Variants in FIGNL2 observed in about 807,000 individuals in gnomAD.
FIGNL2 encodes fidgetin-like protein 2.
For synonymous variants in FIGNL2, 565 were observed against 484.0 expected, an observed-to-expected ratio of 1.17 and a Z score of -2.20; for missense variants, 1,060 against 950.2, an observed-to-expected ratio of 1.12 and a Z score of -1.52.
intron 1 of FIGNL2, among the ~76,000 whole-genome samples, chr12:51,837,035 C>A (rs978365755): frequency 2.0e-5 from 3 of 152,116 alleles, no homozygotes; most frequent in African/African-American, 2.4e-5. Context: ...CACATTTGAA[C>A]CGCTCAACCT....
chr12:51,845,605 A>G (rs1352906681), intron 1 of FIGNL2: 1 of 985,290 alleles, frequency 1.0e-6, no homozygotes, highest in African/African-American at 1.7e-5. Context: ...TTTTCATTAA[A>G]TCGGGTAAAG....
chr12:51,846,347 T>C (rs1267709783), intron 1 of FIGNL2, among the ~76,000 whole-genome samples: 1 of 151,068 alleles, frequency 6.6e-6, no homozygotes, highest in East Asian at 1.9e-4. Flanking sequence ...AATAAGGAGG[T>C]TGTGGAAAGA....
rs1195752139 is a variant in FIGNL2, at chr12:51,820,727, G to C, written c.1687C>G (p.Arg563Gly). 1 of 1,481,290 alleles carries C rather than the reference G, an allele frequency of 6.8e-7. No homozygotes were observed. Among genetic ancestry groups the C allele is most frequent in the Non-Finnish European group, 8.9e-7 (1 of 1,125,592 alleles). 91.8% of individuals were successfully genotyped at this position (1,481,290 alleles called of 1,614,324 possible). ...AGCGCCCGCTGCAGGATCTGCCCGC[G>C]GGCCGGGCTGTCGGGCAGCGCCACG... ...FYVALPDSPARGQILQRALAQ... is the reference protein window; with the variant it reads ...FYVALPDSPAGGQILQRALAQ... The change falls in exon 2 of 2, where the codon CGC becomes GGC. Residue 563 changes from arginine (R) to glycine (G), a missense_variant. Transcript: ENST00000618634.
At position 51,833,246 on chromosome 12, in the gene FIGNL2, G is replaced by T. The variant is rs185860435; in HGVS notation, c.-11-10822C>A. ...TTAAAATTTTTTTGTAGAGATGGGG[G>T]TCTCACTGTGTTGTCCAGGCTGGTC... On this transcript the variant is annotated intron_variant, in intron 1 of 1. Transcript: ENST00000618634. 5.7e-3 allele frequency among the ~76,000 whole-genome samples: 874 copies of T among 152,116 alleles called. 7 individuals carry two copies. Among genetic ancestry groups the T allele is most frequent in the Admixed American group, 0.012 (183 of 15,282 alleles).
intron 1 of FIGNL2, chr12:51,825,996 A>T (rs1455926071): frequency 6.6e-6 from 1 of 152,100 alleles, no homozygotes; most frequent in Non-Finnish European, 1.5e-5. Flanking sequence ...ACTCCAGGTA[A>T]ATTTCCTCCC....
At position 51,821,306 on chromosome 12, in the gene FIGNL2, C is replaced by T. The variant is rs1185504478; in HGVS notation, c.1108G>A (p.Val370Met). ...ACCAGCTCCAGGGCCCCAGGGTCCACGCCTTTGGGAGTCTCCCCCGACGGC... is the reference window on the plus strand; with the variant it reads ...ACCAGCTCCAGGGCCCCAGGGTCCATGCCTTTGGGAGTCTCCCCCGACGGC... ...AVPSGETPKG[V>M]DPGALELVTS... The change falls in exon 2 of 2, where the codon GTG (valine) becomes ATG (methionine). Residue 370 changes from valine (V) to methionine (M), a missense_variant. By Grantham distance (21) the Val-to-Met change is conservative (BLOSUM62 1). Coordinates refer to ENST00000618634, the MANE Select transcript of FIGNL2 (RefSeq NM_001384995.1). 5.3e-6 allele frequency: 8 copies of T among 1,523,532 alleles called. No individual in the cohort carries two copies. The Middle Eastern group carries it at 5.1e-4, about 96-fold the overall frequency. The allele number at this position is 1,523,532 out of a possible 1,614,324, so 94.4% of individuals were successfully genotyped here.
At chr12:51,845,932 G>C (rs1379654747) in intron 1 of FIGNL2, among the ~76,000 whole-genome samples, 1 of 151,732 alleles carries the variant, frequency 6.6e-6, no homozygotes, top group Non-Finnish European at 1.5e-5. Context: ...CCCCGGACTT[G>C]GGGGGGTGGG....
Position 51,822,211 on chromosome 12 carries a change from G to C in FIGNL2, c.203C>G (p.Ser68Cys). 6.2e-7 allele frequency: 1 copy of C among 1,611,832 alleles called. No homozygotes were observed. Among genetic ancestry groups the C allele is most frequent in the South Asian group, 1.1e-5 (1 of 90,580 alleles). The change falls in exon 2 of 2, where the codon TCT becomes TGT. Residue 68 changes from serine to cysteine, a missense_variant. Ser to Cys is a moderately radical substitution (Grantham distance 112). Transcript: ENST00000618634. ...NLLKRYAEKY[S>C]GVLDSPYERP... Reference sequence around the variant, plus strand: ...CTCGTAGGGAGAATCCAAGACCCCAGAGTACTTCTCTGCATAGCGCTTTAG... The same window carrying C: ...CTCGTAGGGAGAATCCAAGACCCCACAGTACTTCTCTGCATAGCGCTTTAG...
rs766577316 is a variant in FIGNL2, at chr12:51,821,344, C to G, written c.1070G>C (p.Gly357Ala). Residue 357 changes from glycine (G) to alanine (A), a missense_variant, in exon 2 of 2, where the codon GGG (glycine) becomes GCG (alanine). Coordinates refer to ENST00000618634, the MANE Select transcript of FIGNL2 (RefSeq NM_001384995.1). ...KFPERAPAPR[G>A]GFAVPSGETP... ...CTCCCCCGACGGCACGGCGAACCCC[C>G]CACGAGGAGCCGGGGCCCGCTCCGG... 8 of 1,500,312 alleles carry G rather than the reference C, an allele frequency of 5.3e-6. No homozygotes were observed. In the South Asian group the frequency reaches 1.0e-4, roughly 19 times the overall value. 92.9% of individuals were successfully genotyped at this position (1,500,312 alleles called of 1,614,324 possible).
At chr12:51,847,085 C>T (rs1325655870) in intron 1 of FIGNL2, 3 of 985,270 alleles carry the variant, frequency 3.0e-6, no homozygotes, top group Non-Finnish European at 3.6e-6. Flanking sequence ...TGGGTGGCGG[C>T]GGCACCACAG....
chr12:51,831,295 A>C (rs1166749051), intron 1 of FIGNL2, among the ~76,000 whole-genome samples: 1 of 152,246 alleles, frequency 6.6e-6, no homozygotes, highest in African/African-American at 2.4e-5. Flanking sequence ...ATTTTGCAGC[A>C]GTCATGGGGA....
chr12:51,827,818 C>T (rs924551174), intron 1 of FIGNL2, among the ~76,000 whole-genome samples: 4 of 152,192 alleles, frequency 2.6e-5, no homozygotes, highest in South Asian at 4.1e-4. Context: ...AGCGCCTGTT[C>T]TACGTTTTAC....
intron 1 of FIGNL2, among the ~76,000 whole-genome samples, chr12:51,845,094 T>C (rs1939722469): frequency 6.6e-6 from 1 of 152,218 alleles, no homozygotes; most frequent in African/African-American, 2.4e-5. Flanking sequence ...AGTGCATTTT[T>C]CTGGGGATGG....
At position 51,847,044 on chromosome 12, in the gene FIGNL2, G is replaced by C. The variant is rs913647768; in HGVS notation, c.-12+1496C>G. Reference sequence around the variant, plus strand: ...CCGCCCCGCCCCCTGCCCGCAGCTCGCGCGGCCGCCCGGTACCCGCGTCCC... The same window carrying C: ...CCGCCCCGCCCCCTGCCCGCAGCTCCCGCGGCCGCCCGGTACCCGCGTCCC... On this transcript the variant is annotated intron_variant, in intron 1 of 1. Coordinates refer to ENST00000618634, the MANE Select transcript of FIGNL2 (RefSeq NM_001384995.1). 1.5e-5 allele frequency: 15 copies of C among 985,030 alleles called. No homozygotes were observed. The East Asian group carries it at 1.1e-3, about 75-fold the overall frequency. The allele number at this position is 985,030 out of a possible 1,614,324, so 61.0% of individuals were successfully genotyped here. A position where few individuals can be genotyped will look rare whatever the true frequency, so the allele number is the denominator to read the frequency against.
Position 51,819,512 on chromosome 12 carries a change from T to G in FIGNL2, c.*940A>C, listed in dbSNP as rs1480841480. The G allele has an allele frequency of 1.3e-5, 2 of 152,458 alleles. No homozygotes were observed. Among genetic ancestry groups the G allele is most frequent in the African/African-American group, 2.4e-5 (1 of 41,316 alleles). 9.4% of individuals were successfully genotyped at this position (152,458 alleles called of 1,614,324 possible). A position where few individuals can be genotyped will look rare whatever the true frequency, so the allele number is the denominator to read the frequency against. ...TTCCCCGTAAGTCTCATTTTTTGAG[T>G]GTCTGGGAGAATTTGGTCCCCTGGA... On this transcript the variant is annotated 3_prime_UTR_variant, in exon 2 of 2. Coordinates refer to ENST00000618634, the MANE Select transcript of FIGNL2 (RefSeq NM_001384995.1).
intron 1 of FIGNL2, among the ~76,000 whole-genome samples, chr12:51,834,494 G>A (rs1423364921): frequency 1.3e-5 from 2 of 152,236 alleles, no homozygotes; most frequent in African/African-American, 4.8e-5. Context: ...AAAGAGATCA[G>A]GGCCCTCAGG....
At chr12:51,826,627 G>T (rs367824152) in intron 1 of FIGNL2, among the ~76,000 whole-genome samples, 1 of 91,610 alleles carries the variant, frequency 1.1e-5, no homozygotes, top group South Asian at 3.3e-4. Flanking sequence ...CGATAAGAGC[G>T]AAACTCCCAT....
intron 1 of FIGNL2, chr12:51,847,826 A>T: frequency 2.0e-6 from 2 of 985,200 alleles, no homozygotes; most frequent in Non-Finnish European, 2.4e-6. Flanking sequence ...GCGGTGGGGA[A>T]GTTTGAGGGG....
Position 51,820,875 on chromosome 12 carries a change from C to T in FIGNL2, c.1539G>A (p.Pro513=). ...GAAAGGALQV[P]LLACLDGGCG... ...AGCCCCCGTCCAGGCAGGCCAGGAGCGGCACCTGCAGCGCGCCCCCTGCCG... is the reference window on the plus strand; with the variant it reads ...AGCCCCCGTCCAGGCAGGCCAGGAGTGGCACCTGCAGCGCGCCCCCTGCCG... The change falls in exon 2 of 2, where the codon CCG becomes CCA. Residue 513 remains proline (P), a synonymous_variant. Transcript: ENST00000618634. The T allele has an allele frequency of 3.6e-6, 5 of 1,391,602 alleles. No homozygotes were observed. The highest frequency in any genetic ancestry group is 4.6e-6 in the Non-Finnish European group (5 of 1,080,674). The allele number at this position is 1,391,602 out of a possible 1,614,324, so 86.2% of individuals were successfully genotyped here.
Sources: gnomAD v4.1 joint callset for allele counts (sites outside exome capture counted in the v4.1 genomes callset) on GRCh38, gnomAD v4.1.1 for gene constraint, MANE v1.5 for transcripts, NCBI Gene and HGNC (gene_info 2026-07-23, HGNC 2026-07-21) for gene names.